The following CNTN4 variants were observed in gnomAD, a reference collection of about 807,000 sequenced individuals.
CNTN4 encodes the protein contactin-4.
Under a neutral mutation model 122.5 loss-of-function variants are expected in CNTN4, and 77 were observed. That is an observed-to-expected ratio of 0.63 (90% confidence interval 0.52 to 0.76). The LOEUF (loss-of-function observed/expected upper bound fraction) is 0.76. CNTN4 is among the 30% of genes least tolerant of loss of function. CNTN4 has a pLI of 0.00. For missense variants in CNTN4, 1,256 were observed against 1,259.1 expected (o/e 1.00, Z 0.04); for synonymous variants, 512 against 447.0 (o/e 1.15, Z -1.83).
At chr3:2,908,982 A>C (rs530479572) in intron 12 of CNTN4, among the ~76,000 whole-genome samples, 1 of 152,324 alleles carries the variant, frequency 6.6e-6, no homozygotes, top group African/African-American at 2.4e-5. Flanking sequence ...AGTGAGGTGC[A>C]ACCTTGAGCG....
chr3:2,171,667 C>T lies in CNTN4; in HGVS notation c.-145+71028C>T, dbSNP rs116331556. ...TAGAGATATTCTGAATGACATATCC[C>T]AAAGCGCAGGTAAGTACACTCACTG... On this transcript the variant is annotated intron_variant, in intron 2 of 24. Coordinates refer to ENST00000418658, the MANE Select transcript of CNTN4 (RefSeq NM_175607.3). Among the ~76,000 whole-genome samples the T allele has an allele frequency of 9.2e-3, 1,406 of 152,202 alleles. 17 individuals are homozygous for T. The highest frequency in any genetic ancestry group is 0.032 in the African/African-American group (1,333 of 41,534).
At chr3:2,295,040 G>C (rs1202890738) in intron 2 of CNTN4, among the ~76,000 whole-genome samples, 3 of 151,748 alleles carry the variant, frequency 2.0e-5, no homozygotes, top group Non-Finnish European at 2.9e-5. Flanking sequence ...GTATTCCATG[G>C]TGTATATGTG....
intron 12 of CNTN4, among the ~76,000 whole-genome samples, chr3:2,915,892 C>A (rs186053265): frequency 4.1e-4 from 62 of 152,250 alleles, no homozygotes; most frequent in African/African-American, 1.4e-3. Flanking sequence ...CATGAATGAA[C>A]CTTGAGGACA....
Position 2,762,981 on chromosome 3 carries a change from G to A in CNTN4, c.358+17284G>A, listed in dbSNP as rs1464864752. On this transcript the variant is annotated intron_variant, in intron 6 of 24. Coordinates refer to ENST00000418658, the MANE Select transcript of CNTN4 (RefSeq NM_175607.3). ...TTTTTAGACTGAGTCTCGCTGTGTC[G>A]CGCAGGCTGGAGTGCAGTGGCTCGA... Among the ~76,000 whole-genome samples the A allele has an allele frequency of 1.4e-4, 17 of 123,602 alleles. 1 individual carries two copies. The South Asian group carries it at 3.2e-3, about 23-fold the overall frequency. 81.1% of individuals were successfully genotyped at this position (123,602 alleles called of 152,430 possible).
At chr3:2,103,966 T>C (rs935751066) in intron 2 of CNTN4, among the ~76,000 whole-genome samples, 2 of 152,174 alleles carry the variant, frequency 1.3e-5, no homozygotes, top group South Asian at 2.1e-4. Context: ...TTTGCTAAGA[T>C]AGTTATTGTT....
intron 5 of CNTN4, among the ~76,000 whole-genome samples, chr3:2,743,905 G>C (rs116794757): frequency 8.5e-4 from 130 of 152,236 alleles, no homozygotes; most frequent in African/African-American, 2.7e-3. Flanking sequence ...CAATCTCCCA[G>C]GTTCAAGTGG....
At chr3:2,574,450 C>T (rs1026891299) in intron 4 of CNTN4, among the ~76,000 whole-genome samples, 6 of 152,046 alleles carry the variant, frequency 3.9e-5, no homozygotes, top group African/African-American at 1.5e-4. Flanking sequence ...GCTCATCCTG[C>T]AAGGGATGCA....
chr3:2,507,256 G>A (rs920087642), intron 3 of CNTN4, among the ~76,000 whole-genome samples: 1 of 152,092 alleles, frequency 6.6e-6, no homozygotes, highest in Non-Finnish European at 1.5e-5. Context: ...ATTCGTTGCT[G>A]TGGGGGGCTG....
At chr3:2,910,801 C>T (rs2094291294) in intron 12 of CNTN4, among the ~76,000 whole-genome samples, 1 of 152,252 alleles carries the variant, frequency 6.6e-6, no homozygotes, top group African/African-American at 2.4e-5. Context: ...GACTGACATT[C>T]AAGATTTGGT....
chr3:2,589,761 G>C (rs1042427358), intron 4 of CNTN4, among the ~76,000 whole-genome samples: 1 of 152,170 alleles, frequency 6.6e-6, no homozygotes, highest in African/African-American at 2.4e-5. Flanking sequence ...TCACATATGT[G>C]ACTGGCAGGC....
rs560950458 is a variant in CNTN4, at chr3:2,881,238, T to G, written c.653-1907T>G. ...GATGAAAAGGGTCACCTCGGTGGGGTGCGGTGGCTCATGCCTGTAATCCCA... is the reference window on the plus strand; with the variant it reads ...GATGAAAAGGGTCACCTCGGTGGGGGGCGGTGGCTCATGCCTGTAATCCCA... On this transcript the variant is annotated intron_variant, in intron 8 of 24. Coordinates refer to ENST00000418658, the MANE Select transcript of CNTN4 (RefSeq NM_175607.3). Among the ~76,000 whole-genome samples the G allele has an allele frequency of 3.4e-3, 522 of 151,948 alleles. 1 individual carries two copies. The highest frequency in any genetic ancestry group is 5.7e-3 in the Admixed American group (87 of 15,246).
chr3:2,154,432 T>C (rs1240633012), intron 2 of CNTN4, among the ~76,000 whole-genome samples: 1 of 152,082 alleles, frequency 6.6e-6, no homozygotes, highest in Non-Finnish European at 1.5e-5. Flanking sequence ...TTCCAAATTA[T>C]ATTTTGTTCC....
Position 2,859,766 on chromosome 3 carries a change from T to C in CNTN4, c.455-6986T>C, listed in dbSNP as rs375722985. Among the ~76,000 whole-genome samples the C allele has an allele frequency of 7.2e-5, 11 of 152,338 alleles. No homozygotes were observed. In the South Asian group the frequency reaches 2.3e-3, roughly 32 times the overall value. On this transcript the variant is annotated intron_variant, in intron 7 of 24. Coordinates refer to ENST00000418658, the MANE Select transcript of CNTN4 (RefSeq NM_175607.3). ...ATAAGTTGTATGTCCTATTTTGTCA[T>C]ATACTCATATTTGGCTTATTGTCTA...
intron 2 of CNTN4, among the ~76,000 whole-genome samples, chr3:2,203,916 C>T (rs1436363618): frequency 1.3e-5 from 2 of 151,988 alleles, no homozygotes; most frequent in Admixed American, 1.3e-4. Flanking sequence ...AATTACAGGC[C>T]TAAAGTTGCT....
chr3:2,233,485 G>C (rs2039566323), intron 2 of CNTN4, among the ~76,000 whole-genome samples: 2 of 152,102 alleles, frequency 1.3e-5, no homozygotes, highest in African/African-American at 4.8e-5. Context: ...TGGCTATTCT[G>C]AACTAGGCCA....
chr3:2,149,404 T>A (rs1382308598), intron 2 of CNTN4, among the ~76,000 whole-genome samples: 1 of 152,190 alleles, frequency 6.6e-6, no homozygotes, highest in Admixed American at 6.5e-5. Context: ...AATATGTTAC[T>A]GACCATAAAT....
chr3:2,520,990 C>G (rs1289871234), intron 3 of CNTN4, among the ~76,000 whole-genome samples: 2 of 152,156 alleles, frequency 1.3e-5, no homozygotes, highest in South Asian at 4.1e-4. Context: ...TACGAAAGTA[C>G]GTGCATTCTA....
chr3:2,930,527 T>C (rs570337486), intron 13 of CNTN4, among the ~76,000 whole-genome samples: 6 of 152,364 alleles, frequency 3.9e-5, no homozygotes, highest in African/African-American at 1.4e-4. Flanking sequence ...CTCTCATTAA[T>C]GTTGAGTAAA....
chr3:2,966,552 C>T (rs1692329858), intron 13 of CNTN4, among the ~76,000 whole-genome samples: 1 of 152,070 alleles, frequency 6.6e-6, no homozygotes, highest in South Asian at 2.1e-4. Context: ...GAAAATCTAT[C>T]ATTCAATAAC....
Sources: gnomAD v4.1 joint callset for allele counts (sites outside exome capture counted in the v4.1 genomes callset) on GRCh38, gnomAD v4.1.1 for gene constraint, MANE v1.5 for transcripts, NCBI Gene and HGNC (gene_info 2026-07-23, HGNC 2026-07-21) for gene names.